The following ADGRF5 variants were observed in gnomAD, a reference collection of about 807,000 sequenced individuals.
ADGRF5 encodes G-protein coupled receptor 116.
In ADGRF5, 75 loss-of-function variants were observed where a neutral mutation model predicts 132.3. The observed-to-expected ratio is 0.57, with a 90% CI of 0.47 to 0.69. The LOEUF (loss-of-function observed/expected upper bound fraction) is 0.69, where lower values mean the gene tolerates loss of function less well. ADGRF5 is among the 30% of genes least tolerant of loss of function. The pLI, the probability that ADGRF5 is intolerant of heterozygous loss-of-function variation, is 0.00. For synonymous variants in ADGRF5, 629 were observed against 597.6 expected (o/e 1.05, Z -0.77); for missense variants, 1,516 against 1,630.6 (o/e 0.93, Z 1.21).
chr6:46,892,595 CA>C (rs569170700), intron 3 of ADGRF5, among the ~76,000 whole-genome samples: 5 of 151,856 alleles, frequency 3.3e-5, no homozygotes, highest in Non-Finnish European at 7.4e-5. Context: ...ACTAAAAATA[CA>C]AAAATTAGCT....
chr6:46,940,229 T>G (rs1777996385), intron 1 of ADGRF5, among the ~76,000 whole-genome samples: 1 of 152,234 alleles, frequency 6.6e-6, no homozygotes, highest in Non-Finnish European at 1.5e-5. Context: ...GATTCATCAC[T>G]CATGTTAAAG....
chr6:46,895,406 A>G (rs1015859562), intron 3 of ADGRF5, among the ~76,000 whole-genome samples: 1 of 151,616 alleles, frequency 6.6e-6, no homozygotes, highest in African/African-American at 2.4e-5. Context: ...GCTACATGTC[A>G]TCATCAGAAA....
intron 1 of ADGRF5, among the ~76,000 whole-genome samples, chr6:46,932,804 C>T (rs1055988106): frequency 5.9e-5 from 9 of 152,290 alleles, no homozygotes; most frequent in Admixed American, 3.3e-4. Context: ...GCCTAATAAT[C>T]GTGTCCCTAT....
chr6:46,940,280 T>C (rs1012919299), intron 1 of ADGRF5, among the ~76,000 whole-genome samples: 9 of 152,246 alleles, frequency 5.9e-5, no homozygotes, highest in Non-Finnish European at 1.2e-4. Context: ...CACATCGATC[T>C]TTTACTTCTA....
intron 3 of ADGRF5, among the ~76,000 whole-genome samples, chr6:46,895,688 G>A (rs193145325): frequency 1.3e-4 from 19 of 150,572 alleles, no homozygotes; most frequent in Admixed American, 2.7e-4. Flanking sequence ...CTTTAAAGCC[G>A]GAGAATAATC....
intron 1 of ADGRF5, among the ~76,000 whole-genome samples, chr6:46,908,354 T>C (rs1775606521): frequency 6.6e-6 from 1 of 152,258 alleles, no homozygotes; most frequent in African/African-American, 2.4e-5. Flanking sequence ...AACAGGCTAA[T>C]ACAGAATGAG....
At chr6:46,909,774 A>C (rs896530302) in intron 1 of ADGRF5, among the ~76,000 whole-genome samples, 1 of 152,166 alleles carries the variant, frequency 6.6e-6, no homozygotes, top group Non-Finnish European at 1.5e-5. Flanking sequence ...CAGGAGTTCA[A>C]GACCAGCCTG....
At chr6:46,885,710 C>A (rs1158277246) in intron 4 of ADGRF5, among the ~76,000 whole-genome samples, 2 of 152,212 alleles carry the variant, frequency 1.3e-5, no homozygotes, top group Admixed American at 1.3e-4. Flanking sequence ...CCAATGCTTC[C>A]TTTCTACATG....
intron 1 of ADGRF5, among the ~76,000 whole-genome samples, chr6:46,946,592 G>A (rs1343883966): frequency 6.6e-6 from 1 of 152,114 alleles, no homozygotes; most frequent in Admixed American, 6.5e-5. Context: ...AACAGGAAAG[G>A]GCCAATAAGA....
At chr6:46,855,664 C>T (rs1303511897) in intron 20 of ADGRF5, among the ~76,000 whole-genome samples, 1 of 152,200 alleles carries the variant, frequency 6.6e-6, no homozygotes, top group Admixed American at 6.5e-5. Context: ...CTGTGTTTGA[C>T]AAGGCCAGCA....
intron 13 of ADGRF5, among the ~76,000 whole-genome samples, chr6:46,866,461 A>G (rs982832615): frequency 3.3e-5 from 5 of 152,088 alleles, no homozygotes; most frequent in African/African-American, 1.2e-4. Context: ...ATATTGGCAA[A>G]AGCCCATAGG....
At chr6:46,875,905 C>T (rs548414699) in intron 10 of ADGRF5, among the ~76,000 whole-genome samples, 2 of 152,202 alleles carry the variant, frequency 1.3e-5, no homozygotes, top group African/African-American at 4.8e-5. Flanking sequence ...CACTTTTTTC[C>T]CATGTGGGAG....
intron 3 of ADGRF5, among the ~76,000 whole-genome samples, chr6:46,893,154 G>A (rs1773837719): frequency 6.9e-6 from 1 of 144,026 alleles, no homozygotes; most frequent in East Asian, 2.1e-4. Context: ...AGTAAGGGAT[G>A]AACCAGGAAG....
upstream of ADGRF5, among the ~76,000 whole-genome samples, chr6:46,925,079 C>T (rs964986628): frequency 6.6e-6 from 1 of 152,280 alleles, no homozygotes; most frequent in East Asian, 1.9e-4. Flanking sequence ...ACTCATCTCC[C>T]GTAGTCAGAG....
At chr6:46,885,973 T>C (rs1228781165) in intron 4 of ADGRF5, among the ~76,000 whole-genome samples, 1 of 152,248 alleles carries the variant, frequency 6.6e-6, no homozygotes, top group Non-Finnish European at 1.5e-5. Flanking sequence ...TGTGCACCAA[T>C]AGATAACAAA....
In ADGRF5 at chr6:46,858,816, G is replaced by T. The variant is rs371789824; in HGVS notation, c.3087C>A (p.Ala1029=). Residue 1029 remains alanine, a synonymous_variant, in exon 17 of 21, where the codon GCC becomes GCA. Coordinates refer to ENST00000283296, the MANE Select transcript of ADGRF5 (RefSeq NM_001098518.2). The part of the protein sequence containing the change: ...GVGFSILSLA[A]CLVVEAVVWK... ...ACACCACAGCTTCCACAACTAGACA[G>T]GCTGCCAAGCTCAAGATGGAAAAGC... is the stretch of plus-strand genomic sequence containing the variant. 15 of 1,614,012 alleles carry T rather than the reference G, an allele frequency of 9.3e-6. No individual in the cohort carries two copies. Among genetic ancestry groups the T allele is most frequent in the East Asian group, 2.2e-5 (1 of 44,886 alleles).
At position 46,853,998 on chromosome 6, in the gene ADGRF5, G is replaced by A; in HGVS notation, c.4035C>T (p.Leu1345=). 6.2e-7 allele frequency: 1 copy of A among 1,601,936 alleles called. No homozygotes were observed. The highest frequency in any genetic ancestry group is 8.5e-7 in the Non-Finnish European group (1 of 1,174,174). Residue 1345 remains leucine (L), a synonymous_variant, in exon 21 of 21, where the codon CTC becomes CTT. Coordinates refer to ENST00000283296, the MANE Select transcript of ADGRF5 (RefSeq NM_001098518.2). The stretch of plus-strand genomic sequence containing the variant: ...AGGTTGGATTATCCTGTTCTTAGTT[G>A]AGCAACGAAGAAGCACTGGATGAGT... ...LENSSSASSL[L]N
rs767827928 is a variant in ADGRF5, at chr6:46,854,044, G to A, written c.3989C>T (p.Ala1330Val). ...TGAGTTTTCCAGGGATGAGCTGGTT[G>A]CTTCTGGGGTGGAAACATTATACGT... Reference protein sequence around the residue: ...TGTYNVSTPEATSSSLENSSS... With the variant: ...TGTYNVSTPEVTSSSLENSSS... The change falls in exon 21 of 21, where the codon GCA becomes GTA. Residue 1330 changes from alanine to valine, a missense_variant. Coordinates refer to ENST00000283296, the MANE Select transcript of ADGRF5 (RefSeq NM_001098518.2). 6.2e-7 allele frequency: 1 copy of A among 1,603,720 alleles called. No homozygotes were observed. The highest frequency in any genetic ancestry group is 2.3e-4 in the Middle Eastern group (1 of 4,402).
chr6:46,912,604 G>T (rs1033422321), intron 1 of ADGRF5, among the ~76,000 whole-genome samples: 2 of 152,094 alleles, frequency 1.3e-5, no homozygotes, highest in Admixed American at 1.3e-4. Context: ...AGGAGGCCTA[G>T]GAACAAGTCC....
Sources: gnomAD v4.1 joint callset for allele counts (sites outside exome capture counted in the v4.1 genomes callset) on GRCh38, gnomAD v4.1.1 for gene constraint, MANE v1.5 for transcripts, NCBI Gene and HGNC (gene_info 2026-07-23, HGNC 2026-07-21) for gene names.